The following MXI1 variants were observed in gnomAD, a reference collection of about 807,000 sequenced individuals.
MXI1 encodes MAX interactor 1, dimerization protein, also known as max-interacting protein 1.
In MXI1, 18 loss-of-function variants were observed where a neutral mutation model predicts 36.9. The observed-to-expected ratio is 0.49, with a 90% CI of 0.34 to 0.72. MXI1 has a LOEUF of 0.72. Among genes scored for constraint, MXI1 ranks in the 30% least tolerant of loss-of-function variants. MXI1 has a pLI of 0.01. For synonymous variants in MXI1, 160 were observed against 146.7 expected, an observed-to-expected ratio of 1.09 and a Z score of -0.65; for missense variants, 304 against 379.1, an observed-to-expected ratio of 0.80 and a Z score of 1.64.
chr10:110,280,529 A>G (rs1857201505), intron 5 of MXI1, among the ~76,000 whole-genome samples: 1 of 151,846 alleles, frequency 6.6e-6, no homozygotes, highest in Non-Finnish European at 1.5e-5. Context: ...AAATACAAAA[A>G]ATTAGACGGG....
chr10:110,220,173 T>C (rs1854765823), intron 1 of MXI1, among the ~76,000 whole-genome samples: 1 of 152,242 alleles, frequency 6.6e-6, no homozygotes, highest in African/African-American at 2.4e-5. Context: ...ATAGCCTGTG[T>C]GACCTTGGGC....
At chr10:110,272,009 T>C (rs1212135774) in intron 3 of MXI1, among the ~76,000 whole-genome samples, 1 of 152,188 alleles carries the variant, frequency 6.6e-6, no homozygotes, top group African/African-American at 2.4e-5. Flanking sequence ...TCCAAACCTT[T>C]GAGAGACATA....
chr10:110,226,179 C>T (rs769412667), intron 1 of MXI1: 9 of 1,460,128 alleles, frequency 6.2e-6, no homozygotes, highest in Middle Eastern at 1.9e-4. Flanking sequence ...GAAGGGAGTG[C>T]GGAGAGGCGC....
rs73354793 is a variant in MXI1 at position 110,209,379 on chromosome 10, G to A, written c.274+1297G>A. On this transcript the variant is annotated intron_variant, in intron 1 of 5. Transcript: ENST00000332674. The stretch of plus-strand genomic sequence containing the variant: ...AAAGAAGAAAGGTCCCGATTGCAAC[G>A]TGTCAGATCTTGCAACCTTCCCCCC... 8.3e-3 allele frequency among the ~76,000 whole-genome samples: 1,265 copies of A among 151,962 alleles called. 16 individuals carry two copies. The highest frequency in any genetic ancestry group is 0.02 in the African/African-American group (840 of 41,412).
intron 3 of MXI1, among the ~76,000 whole-genome samples, chr10:110,249,760 A>G (rs1856005631): frequency 6.6e-6 from 1 of 152,162 alleles, no homozygotes; most frequent in Non-Finnish European, 1.5e-5. Context: ...GGATTATGAT[A>G]TAAAATACTG....
chr10:110,274,728 C>G (rs1327066993), intron 3 of MXI1, among the ~76,000 whole-genome samples: 1 of 152,096 alleles, frequency 6.6e-6, no homozygotes. Flanking sequence ...TTAACTTTCC[C>G]CAACCTTCTT....
chr10:110,269,234 C>T (rs914201976), intron 3 of MXI1, among the ~76,000 whole-genome samples: 1 of 152,148 alleles, frequency 6.6e-6, no homozygotes, highest in Non-Finnish European at 1.5e-5. Context: ...TATGAATATT[C>T]GCCTTCCAGG....
intron 3 of MXI1, 34 bp downstream of exon 3, chr10:110,244,891 G>A (rs745737064): frequency 1.9e-5 from 31 of 1,601,500 alleles, no homozygotes; most frequent in African/African-American, 4.0e-5. Flanking sequence ...TTTCACTTAC[G>A]TTTAAAAGCA....
intron 2 of MXI1, among the ~76,000 whole-genome samples, chr10:110,235,349 T>C (rs1855418873): frequency 6.6e-6 from 1 of 152,128 alleles, no homozygotes; most frequent in Non-Finnish European, 1.5e-5. Flanking sequence ...GAGTACTTTA[T>C]GGTAAATTAT....
intron 1 of MXI1, among the ~76,000 whole-genome samples, chr10:110,225,751 GAAGCA>G (rs1178677713): frequency 4.6e-5 from 7 of 152,144 alleles, no homozygotes; most frequent in Non-Finnish European, 8.8e-5. Flanking sequence ...TTCCCTCCCA[GAAGCA>G]AAGTCCCGCA....
intron 2 of MXI1, among the ~76,000 whole-genome samples, chr10:110,242,230 T>C (rs1215377831): frequency 2.0e-5 from 3 of 152,066 alleles, no homozygotes; most frequent in Non-Finnish European, 4.4e-5. Context: ...AAACTGTCTC[T>C]TTTGAGCTCC....
intron 3 of MXI1, among the ~76,000 whole-genome samples, chr10:110,264,368 A>ATTT (rs112351250): frequency 1.4e-5 from 2 of 140,692 alleles, no homozygotes; most frequent in Admixed American, 7.1e-5. Flanking sequence ...TTAGTAATTG[A>ATTT]TTTTTTTTTT....
At chr10:110,261,941 C>T (rs1431802114) in intron 3 of MXI1, among the ~76,000 whole-genome samples, 1 of 152,030 alleles carries the variant, frequency 6.6e-6, no homozygotes, top group Non-Finnish European at 1.5e-5. Flanking sequence ...AATGATGATA[C>T]ATCCATACCA....
intron 3 of MXI1, among the ~76,000 whole-genome samples, chr10:110,252,299 AT>A (rs1856122500): frequency 6.6e-6 from 1 of 152,198 alleles, no homozygotes; most frequent in Non-Finnish European, 1.5e-5. Context: ...AAATTGAGTC[AT>A]TTCTCTATTT....
At chr10:110,249,554 C>T (rs1165369849) in intron 3 of MXI1, among the ~76,000 whole-genome samples, 2 of 144,754 alleles carry the variant, frequency 1.4e-5, no homozygotes, top group African/African-American at 2.6e-5. Context: ...ATTCCAGCCT[C>T]GGTGACAGAG....
In MXI1 at chr10:110,287,053, A is replaced by C. The variant is rs1173491061; in HGVS notation, c.*2066A>C. The C allele has an allele frequency of 6.6e-6, 1 of 152,214 alleles. No individual in the cohort carries two copies. Among genetic ancestry groups the C allele is most frequent in the East Asian group, 1.9e-4 (1 of 5,196 alleles). 9.4% of individuals were successfully genotyped at this position (152,214 alleles called of 1,614,324 possible). ...AGTTTGAAGACTGTGCTACCATACA[A>C]AGTGAATGAAGCCAGTGACTAAGCT... On this transcript the variant is annotated 3_prime_UTR_variant, in exon 6 of 6. Transcript: ENST00000332674.
intron 1 of MXI1, among the ~76,000 whole-genome samples, chr10:110,215,014 C>T (rs11195030): frequency 2.3e-5 from 3 of 130,608 alleles, no homozygotes; most frequent in Admixed American, 8.2e-5. Context: ...TCCCATTTTT[C>T]TTTCTGCTCC....
At chr10:110,213,597 G>A (rs562617242) in intron 1 of MXI1, among the ~76,000 whole-genome samples, 2 of 152,272 alleles carry the variant, frequency 1.3e-5, no homozygotes, top group African/African-American at 4.8e-5. Context: ...TCAGAATCAC[G>A]GAGCTCCCAA....
At chr10:110,255,016 A>G (rs936770619) in intron 3 of MXI1, among the ~76,000 whole-genome samples, 1 of 152,208 alleles carries the variant, frequency 6.6e-6, no homozygotes, top group African/African-American at 2.4e-5. Context: ...AGAAGATGCC[A>G]TCCAGGACTT....
Sources: gnomAD v4.1 joint callset for allele counts (sites outside exome capture counted in the v4.1 genomes callset) on GRCh38, gnomAD v4.1.1 for gene constraint, MANE v1.5 for transcripts, NCBI Gene and HGNC (gene_info 2026-07-23, HGNC 2026-07-21) for gene names.